The following LEPR variants were observed in gnomAD, a reference collection of about 807,000 sequenced individuals.
LEPR encodes the protein leptin receptor, also known as OB receptor.
LEPR carries 56 observed loss-of-function variants against 114.7 expected under a neutral mutation model. The ratio of observed to expected loss-of-function variants is 0.49; its 90% CI spans 0.39 to 0.61. The LOEUF (loss-of-function observed/expected upper bound fraction) is 0.61, where lower values mean the gene tolerates loss of function less well. Among genes scored for constraint, LEPR ranks in the 20% least tolerant of loss-of-function variants. The pLI is 0.00. For synonymous variants in LEPR, 443 were observed against 461.4 expected (o/e 0.96, Z 0.51); for missense variants, 1,202 against 1,352.9 (o/e 0.89, Z 1.75).
At position 65,572,773 on chromosome 1, in the gene LEPR, A is replaced by T. The variant is rs116349491; in HGVS notation, c.494+324A>T. On this transcript the variant is annotated intron_variant, in intron 5 of 19. Coordinates refer to ENST00000349533, the MANE Select transcript of LEPR (RefSeq NM_002303.6). ...TGAACGAACACTCTGGGGGCCTTAA[A>T]CAGGTGAAACGTAGTTTTATTCAGC... Among the ~76,000 whole-genome samples, 767 of 152,272 alleles carry T rather than the reference A, an allele frequency of 5.0e-3. 10 individuals are homozygous for T. Among genetic ancestry groups the T allele is most frequent in the African/African-American group, 0.018 (738 of 41,542 alleles).
rs1227191812 is a variant in LEPR at position 65,570,906 on chromosome 1, A to C, written c.370+104A>C. 8 of 945,824 alleles carry C rather than the reference A, an allele frequency of 8.5e-6. No homozygotes were observed. The African/African-American group carries it at 1.3e-4, about 16-fold the overall frequency. 58.6% of individuals were successfully genotyped at this position (945,824 alleles called of 1,614,324 possible). A position where few individuals can be genotyped will look rare whatever the true frequency, so the allele number is the denominator to read the frequency against. ...GGCTATGATTTTAACATACATAATC[A>C]TTTTTATATGGATAATAAAATTAGG... is the stretch of plus-strand genomic sequence containing the variant. On this transcript the variant is annotated intron_variant, in intron 4 of 19. Transcript: ENST00000349533.
chr1:65,483,336 G>A (rs886612557), intron 2 of LEPR, among the ~76,000 whole-genome samples: 2 of 152,008 alleles, frequency 1.3e-5, no homozygotes, highest in Non-Finnish European at 2.9e-5. Context: ...AAATTAAAAC[G>A]ACAATGTATC....
intron 3 of LEPR, among the ~76,000 whole-genome samples, chr1:65,568,501 A>AGTGT (rs35333524): frequency 0.023 from 3,480 of 148,098 alleles, 116 homozygotes; most frequent in African/African-American, 0.074. Context: ...ATGGTGTGTG[A>AGTGT]GTGTGTGTGT....
At chr1:65,464,023 T>C (rs1453862878) in intron 2 of LEPR, among the ~76,000 whole-genome samples, 1 of 152,226 alleles carries the variant, frequency 6.6e-6, no homozygotes, top group Non-Finnish European at 1.5e-5. Flanking sequence ...TATTTCTTTC[T>C]CTCGCTTGAT....
At chr1:65,421,173 C>A (rs1240816051) in intron 1 of LEPR, among the ~76,000 whole-genome samples, 1 of 152,238 alleles carries the variant, frequency 6.6e-6, no homozygotes, top group East Asian at 1.9e-4. Flanking sequence ...ACTTAATCCT[C>A]TTTTTCCTAA....
chr1:65,543,248 A>G (rs1651376239), intron 2 of LEPR, among the ~76,000 whole-genome samples: 1 of 151,986 alleles, frequency 6.6e-6, no homozygotes, highest in African/African-American at 2.4e-5. Flanking sequence ...TTTGTTGGAC[A>G]CATAAATGTC....
intron 14 of LEPR, among the ~76,000 whole-genome samples, chr1:65,613,273 G>A (rs987953985): frequency 7.9e-5 from 12 of 152,014 alleles, no homozygotes; most frequent in Non-Finnish European, 8.8e-5. Flanking sequence ...ACATGCCCCC[G>A]TCATTGTGGG....
At chr1:65,488,210 T>TTCTTTCTCTCTCTCTC (rs1557620199) in intron 2 of LEPR, among the ~76,000 whole-genome samples, 2 of 25,872 alleles carry the variant, frequency 7.7e-5, no homozygotes, top group African/African-American at 3.6e-4. Context: ...CTTTCTTTCT[T>TTCTTTCTCTCTCTCTC]TCTCTCTCTC....
intron 2 of LEPR, among the ~76,000 whole-genome samples, chr1:65,543,756 A>G (rs1206432827): frequency 6.6e-6 from 1 of 151,774 alleles, no homozygotes; most frequent in East Asian, 1.9e-4. Flanking sequence ...TTTTGTCAGG[A>G]TTGTCAAAGA....
intron 2 of LEPR, among the ~76,000 whole-genome samples, chr1:65,535,008 C>T (rs1650659111): frequency 6.6e-6 from 1 of 152,092 alleles, no homozygotes; most frequent in Non-Finnish European, 1.5e-5. Context: ...AAGCTATGAA[C>T]ATGAGAGAAT....
At chr1:65,555,660 A>T (rs763042565) in intron 2 of LEPR, among the ~76,000 whole-genome samples, 1 of 152,164 alleles carries the variant, frequency 6.6e-6, no homozygotes, top group Non-Finnish European at 1.5e-5. Flanking sequence ...ATAATTTATT[A>T]TGGCAATAAT....
At chr1:65,467,270 G>A (rs953643382) in intron 2 of LEPR, among the ~76,000 whole-genome samples, 2 of 152,002 alleles carry the variant, frequency 1.3e-5, no homozygotes, top group African/African-American at 4.8e-5. Context: ...TGTTAGTTTT[G>A]CTTCTAACAG....
intron 2 of LEPR, among the ~76,000 whole-genome samples, chr1:65,508,128 AGTTTATGG>A (rs765486724): frequency 4.6e-5 from 7 of 152,030 alleles, no homozygotes; most frequent in Non-Finnish European, 8.8e-5. Context: ...ACTTTTTCCC[AGTTTATGG>A]GTTGTTTCTT....
At chr1:65,472,411 A>C (rs978273945) in intron 2 of LEPR, among the ~76,000 whole-genome samples, 2 of 133,286 alleles carry the variant, frequency 1.5e-5, no homozygotes, top group African/African-American at 5.8e-5. Flanking sequence ...CTGTGGCTAA[A>C]ACACACACAC....
intron 2 of LEPR, among the ~76,000 whole-genome samples, chr1:65,476,996 T>A (rs1647166719): frequency 6.6e-6 from 1 of 152,202 alleles, no homozygotes; most frequent in South Asian, 2.1e-4. Flanking sequence ...CAAGCACACA[T>A]ATGCAGAACA....
intron 2 of LEPR, among the ~76,000 whole-genome samples, chr1:65,511,005 C>A (rs1178161901): frequency 1.3e-5 from 2 of 151,878 alleles, no homozygotes; most frequent in South Asian, 4.2e-4. Flanking sequence ...AGAGTGAGAC[C>A]CTGTCTCACA....
At chr1:65,424,523 T>C (rs1481417751) in intron 1 of LEPR, among the ~76,000 whole-genome samples, 2 of 147,934 alleles carry the variant, frequency 1.4e-5, no homozygotes, top group Admixed American at 6.8e-5. Context: ...GTACTGGAAT[T>C]ACTTGAGACC....
chr1:65,601,405 T>A lies in LEPR; in HGVS notation c.1008T>A (p.Phe336Leu). 1 of 1,612,948 alleles carries A rather than the reference T, an allele frequency of 6.2e-7. No homozygotes were observed. The highest frequency in any genetic ancestry group is 8.5e-7 in the Non-Finnish European group (1 of 1,179,536). Reference sequence around the variant, plus strand: ...CCCTCATTACAGATGTCATATACTTTCCACCTAAAATTCTGACAAGTGTTG... The same window carrying A: ...CCCTCATTACAGATGTCATATACTTACCACCTAAAATTCTGACAAGTGTTG... ...RVFTTQDVIY[F>L]PPKILTSVGS... The change falls in exon 9 of 20, where the codon TTT becomes TTA. Residue 336 changes from phenylalanine to leucine, a missense_variant. By Grantham distance (22) the Phe-to-Leu change is conservative. Coordinates refer to ENST00000349533, the MANE Select transcript of LEPR (RefSeq NM_002303.6).
chr1:65,628,939 C>G (rs188978704), intron 19 of LEPR, among the ~76,000 whole-genome samples: 2 of 152,260 alleles, frequency 1.3e-5, no homozygotes, highest in Admixed American at 1.3e-4. Context: ...TAGTCTTGCT[C>G]TCCAAATGCC....
Sources: gnomAD v4.1 joint callset for allele counts (sites outside exome capture counted in the v4.1 genomes callset) on GRCh38, gnomAD v4.1.1 for gene constraint, MANE v1.5 for transcripts, NCBI Gene and HGNC (gene_info 2026-07-23, HGNC 2026-07-21) for gene names.